MAP4K4: variants seen among roughly 807,000 people sequenced by gnomAD.
MAP4K4 encodes mitogen-activated protein kinase kinase kinase kinase 4.
MAP4K4 carries 38 observed loss-of-function variants against 189.6 expected under a neutral mutation model. That is an observed-to-expected ratio of 0.20 (90% CI 0.15 to 0.26). MAP4K4 has a LOEUF of 0.26. Ranked by LOEUF, MAP4K4 falls within the 10% of genes least tolerant of loss-of-function variation. MAP4K4 has a pLI of 1.00. For missense variants in MAP4K4, 1,054 were observed against 1,726.9 expected, an observed-to-expected ratio of 0.61 and a Z score of 6.91; for synonymous variants, 610 against 624.3, an observed-to-expected ratio of 0.98 and a Z score of 0.34.
At chr2:101,850,417 C>T (rs1322321248) in intron 12 of MAP4K4, among the ~76,000 whole-genome samples, 1 of 152,084 alleles carries the variant, frequency 6.6e-6, no homozygotes, top group Non-Finnish European at 1.5e-5. Flanking sequence ...TTCTTGGTTC[C>T]GAAATTTAGA....
At chr2:101,868,645 G>A (rs1049370869) in intron 21 of MAP4K4, among the ~76,000 whole-genome samples, 4 of 152,294 alleles carry the variant, frequency 2.6e-5, no homozygotes, top group South Asian at 2.1e-4. Context: ...GGTGTCACAG[G>A]GTGATGTGGG....
At chr2:101,824,264 G>A (rs2096252575) in intron 4 of MAP4K4, among the ~76,000 whole-genome samples, 1 of 152,108 alleles carries the variant, frequency 6.6e-6, no homozygotes, top group South Asian at 2.1e-4. Flanking sequence ...ACATTGCGTG[G>A]AAAAAAGTTA....
At chr2:101,880,390 A>G (rs891619954) in intron 27 of MAP4K4, among the ~76,000 whole-genome samples, 1 of 151,988 alleles carries the variant, frequency 6.6e-6, no homozygotes, top group Non-Finnish European at 1.5e-5. Flanking sequence ...GTTTGTGTAG[A>G]TTTATTTTCT....
rs751060019 is a variant in MAP4K4, at chr2:101,866,590, T to G, written c.2356+11T>G. 19 of 1,606,958 alleles carry G rather than the reference T, an allele frequency of 1.2e-5. No individual in the cohort carries two copies. The highest frequency in any genetic ancestry group is 9.4e-5 in the African/African-American group (7 of 74,708). ...GCTTCAGAGTGAGATGTAAGCTGCC[T>G]TTCCTTTCCTTTTTCCCTGCTAATG... On this transcript the variant is annotated intron_variant, in intron 19 of 32. Coordinates refer to ENST00000324219, the Ensembl canonical transcript of MAP4K4.
At chr2:101,866,474 C>G (rs201353278) in exon 19 of MAP4K4, 58 of 1,613,460 alleles carry the variant, frequency 3.6e-5, no homozygotes. Context: ...GAAGCTGGTG[C>G]CCAGACCTGG....
intron 2 of MAP4K4, among the ~76,000 whole-genome samples, chr2:101,752,817 C>G (rs1270730743): frequency 6.6e-6 from 1 of 152,192 alleles, no homozygotes; most frequent in Admixed American, 6.5e-5. Context: ...CATTCCACAT[C>G]ATTATTGCTA....
chr2:101,813,281 T>C (rs909280407), intron 3 of MAP4K4, among the ~76,000 whole-genome samples: 6 of 152,206 alleles, frequency 3.9e-5, no homozygotes, highest in Admixed American at 1.3e-4. Context: ...AAAAATTATT[T>C]TCTGATAAAA....
At chr2:101,784,102 C>T (rs371592090) in intron 2 of MAP4K4, among the ~76,000 whole-genome samples, 3 of 152,156 alleles carry the variant, frequency 2.0e-5, no homozygotes, top group Non-Finnish European at 2.9e-5. Flanking sequence ...AAGGCTCAGC[C>T]GCAGCCACCA....
chr2:101,709,060 G>A (rs916567673), intron 2 of MAP4K4, among the ~76,000 whole-genome samples: 2 of 152,070 alleles, frequency 1.3e-5, no homozygotes, highest in Non-Finnish European at 2.9e-5. Flanking sequence ...TATCTGTTTG[G>A]GTCTTCTTGT....
At chr2:101,792,588 T>TCTC (rs1240723150) in intron 3 of MAP4K4, among the ~76,000 whole-genome samples, 1 of 117,862 alleles carries the variant, frequency 8.5e-6, no homozygotes, top group Non-Finnish European at 1.8e-5. Context: ...ACTGCCACCT[T>TCTC]CTCCTCCTTC....
intron 6 of MAP4K4, 64 bp downstream of exon 6, chr2:101,829,658 G>A (rs561908200): frequency 1.8e-6 from 2 of 1,125,152 alleles, no homozygotes; most frequent in African/African-American, 1.5e-5. Context: ...TGCACTCCCA[G>A]TTCTGCTTCC....
Position 101,826,267 on chromosome 2 carries a change from G to T in MAP4K4, c.417+838G>T, listed in dbSNP as rs373722196. On this transcript the variant is annotated intron_variant, in intron 5 of 32. Coordinates refer to ENST00000324219, the Ensembl canonical transcript of MAP4K4. ...TAAGTTATTTTAATTTTTTTAATAA[G>T]TAAAGTTATCCCACTTTTTATATTT... is the stretch of plus-strand genomic sequence containing the variant. 3.0e-4 allele frequency among the ~76,000 whole-genome samples: 45 copies of T among 152,124 alleles called. No individual in the cohort carries two copies. In the East Asian group the frequency reaches 8.5e-3, roughly 29 times the overall value.
At chr2:101,719,857 C>A (rs946183884) in intron 2 of MAP4K4, among the ~76,000 whole-genome samples, 1 of 151,682 alleles carries the variant, frequency 6.6e-6, no homozygotes, top group South Asian at 2.1e-4. Context: ...ACTAAAAATA[C>A]AAAAATTAGC....
At chr2:101,764,087 T>C (rs932770801) in intron 2 of MAP4K4, among the ~76,000 whole-genome samples, 3 of 152,226 alleles carry the variant, frequency 2.0e-5, no homozygotes, top group African/African-American at 7.2e-5. Flanking sequence ...TGGTGTTCCC[T>C]AAGGAGGGTT....
intron 2 of MAP4K4, among the ~76,000 whole-genome samples, chr2:101,704,785 C>T (rs1464726686): frequency 2.6e-5 from 4 of 151,114 alleles, no homozygotes; most frequent in African/African-American, 9.8e-5. Flanking sequence ...GTCTCGAACT[C>T]GAGTCAGGGT....
At chr2:101,794,471 A>G (rs945467704) in intron 3 of MAP4K4, among the ~76,000 whole-genome samples, 2 of 152,184 alleles carry the variant, frequency 1.3e-5, no homozygotes, top group Admixed American at 6.5e-5. Context: ...AAGTTCATAC[A>G]TCCACAGCTG....
intron 2 of MAP4K4, among the ~76,000 whole-genome samples, chr2:101,752,328 G>C (rs1057298118): frequency 6.6e-6 from 1 of 152,150 alleles, no homozygotes; most frequent in Non-Finnish European, 1.5e-5. Context: ...TCCTCAGGTT[G>C]TATTCACAGT....
Position 101,859,857 on chromosome 2 carries a change from C to T in MAP4K4, c.1697C>T (p.Ala566Val), listed in dbSNP as rs200603698. 1.1e-4 allele frequency: 171 copies of T among 1,599,554 alleles called. No homozygotes were observed. In the African/African-American group the frequency reaches 1.1e-3, roughly 10 times the overall value. ...GCCCACTACGAGCCTGCTGACCGAG[C>T]GCGAGAGGTATCCTCTTTCCTTTGT... is the stretch of plus-strand genomic sequence containing the variant. Residue 566 changes from alanine (A) to valine (V), a missense_variant, in exon 15 of 33, where the codon GCG becomes GTG. Physicochemically the swap from Ala to Val is moderately conservative, Grantham distance 64. Around this residue, in one of 4 missense-constraint regions of MAP4K4, gnomAD observed 646 missense variants for 796.2 expected, o/e 0.81. Coordinates refer to ENST00000324219, the Ensembl canonical transcript of MAP4K4.
intron 2 of MAP4K4, among the ~76,000 whole-genome samples, chr2:101,785,844 A>T (rs1575528563): frequency 2.1e-5 from 3 of 142,638 alleles, no homozygotes; most frequent in Admixed American, 7.4e-5. Flanking sequence ...CCCTTTTTTG[A>T]GTTGGAGTCT....
Sources: allele counts gnomAD v4.1 joint callset (sites outside exome capture counted in the v4.1 genomes callset), GRCh38; gene constraint gnomAD v4.1.1; regional missense constraint gnomAD v4.1.1; transcripts MANE v1.5; gene names NCBI Gene and HGNC (gene_info 2026-07-23, HGNC 2026-07-21).